Variants in RGS8 observed in about 807,000 individuals in gnomAD.
RGS8 encodes the protein regulator of G protein signaling 8.
In RGS8, 8 loss-of-function variants were observed where a neutral mutation model predicts 21.7. The observed-to-expected ratio is 0.37, with a 90% confidence interval of 0.22 to 0.66. The LOEUF (loss-of-function observed/expected upper bound fraction) is 0.66, where lower values mean the gene tolerates loss of function less well. Ranked by LOEUF, RGS8 falls within the 30% of genes least tolerant of loss-of-function variation. The pLI is 0.59. For synonymous variants in RGS8, 80 were observed against 83.6 expected (o/e 0.96, Z 0.24); for missense variants, 157 against 217.9 (o/e 0.72, Z 1.76).
intron 5 of RGS8, among the ~76,000 whole-genome samples, chr1:182,656,882 T>C (rs1663305943): frequency 6.6e-6 from 1 of 152,206 alleles, no homozygotes; most frequent in Admixed American, 6.5e-5. Flanking sequence ...CCTCCTCCTC[T>C]GCTCACCCAC....
intron 5 of RGS8, among the ~76,000 whole-genome samples, chr1:182,655,176 G>A (rs1663210107): frequency 6.6e-6 from 1 of 152,214 alleles, no homozygotes; most frequent in Non-Finnish European, 1.5e-5. Flanking sequence ...TGGCAAGGAT[G>A]CTAAACTGCA....
At chr1:182,699,284 G>T in the RGS8 span, among the ~76,000 whole-genome samples, 1 of 152,178 alleles carries the variant, frequency 6.6e-6, no homozygotes, top group Non-Finnish European at 1.5e-5. Flanking sequence ...TGGCTAAATG[G>T]GTGTTTCTCG....
the RGS8 span, among the ~76,000 whole-genome samples, chr1:182,713,132 A>T: frequency 2.0e-5 from 3 of 152,102 alleles, no homozygotes; most frequent in Non-Finnish European, 1.5e-5. Context: ...ATATAATTTT[A>T]AAAAAGAAAT....
At chr1:182,677,827 C>T (rs1001856102), upstream of RGS8, among the ~76,000 whole-genome samples, 20 of 152,264 alleles carry the variant, frequency 1.3e-4, no homozygotes, top group African/African-American at 4.8e-4. Context: ...GCGATTCTTC[C>T]TTAGGTCTCC....
chr1:182,740,406 C>G, the RGS8 span, among the ~76,000 whole-genome samples: 3 of 152,072 alleles, frequency 2.0e-5, no homozygotes, highest in Non-Finnish European at 2.9e-5. Context: ...TTCAAAACAG[C>G]CATATGAGAT....
the RGS8 span, among the ~76,000 whole-genome samples, chr1:182,741,884 C>A: frequency 7.2e-6 from 1 of 139,466 alleles, no homozygotes; most frequent in Non-Finnish European, 1.6e-5. Flanking sequence ...GGGGGGCTGA[C>A]CCCCCCACCT....
upstream of RGS8, among the ~76,000 whole-genome samples, chr1:182,676,171 G>A (rs1209468642): frequency 2.6e-5 from 4 of 152,120 alleles, no homozygotes; most frequent in African/African-American, 9.7e-5. Context: ...GGAGCACCTG[G>A]CATTGTCACA....
At chr1:182,659,497 G>C (rs1663476632) in intron 5 of RGS8, among the ~76,000 whole-genome samples, 1 of 152,218 alleles carries the variant, frequency 6.6e-6, no homozygotes, top group African/African-American at 2.4e-5. Flanking sequence ...TCAGGAGTTT[G>C]AGACTGGCCT....
intron 4 of RGS8, among the ~76,000 whole-genome samples, chr1:182,666,431 T>C (rs930334798): frequency 2.6e-5 from 4 of 152,266 alleles, no homozygotes; most frequent in Non-Finnish European, 5.9e-5. Context: ...TGATGCCCAT[T>C]ACATAGTTGT....
the RGS8 span, among the ~76,000 whole-genome samples, chr1:182,741,394 T>G: frequency 8.2e-6 from 1 of 121,382 alleles, no homozygotes; most frequent in Non-Finnish European, 1.7e-5. Context: ...ACGGGGCGGC[T>G]GGCCGGGCGG....
the RGS8 span, among the ~76,000 whole-genome samples, chr1:182,724,123 G>A: frequency 2.0e-5 from 3 of 148,240 alleles, no homozygotes; most frequent in African/African-American, 7.5e-5. Context: ...CAATCTGGGT[G>A]GGCACCATAG....
the RGS8 span, among the ~76,000 whole-genome samples, chr1:182,751,321 G>A: frequency 6.6e-6 from 1 of 152,308 alleles, no homozygotes; most frequent in East Asian, 1.9e-4. Context: ...TAGTTTAAAA[G>A]AGAAAAGACT....
chr1:182,696,160 TC>T, the RGS8 span, among the ~76,000 whole-genome samples: 1 of 152,188 alleles, frequency 6.6e-6, no homozygotes, highest in East Asian at 1.9e-4. Flanking sequence ...CCTGCCTCTA[TC>T]CCTCTGTAAG....
At chr1:182,682,508 A>G (rs576674038) in intron 1 of RGS8, among the ~76,000 whole-genome samples, 1 of 152,302 alleles carries the variant, frequency 6.6e-6, no homozygotes, top group South Asian at 2.1e-4. Flanking sequence ...AGAATTAAAC[A>G]GCATCATGTG....
intron 1 of RGS8, among the ~76,000 whole-genome samples, chr1:182,682,717 C>A (rs965691353): frequency 3.9e-5 from 6 of 152,246 alleles, no homozygotes; most frequent in Middle Eastern, 3.4e-3. Flanking sequence ...GAACCCAGGA[C>A]CTCCAGTACT....
At chr1:182,700,333 A>G in the RGS8 span, among the ~76,000 whole-genome samples, 1 of 151,582 alleles carries the variant, frequency 6.6e-6, no homozygotes, top group Non-Finnish European at 1.5e-5. Context: ...CCCCAACATG[A>G]CCCCCAAAAC....
chr1:182,668,593 GCCTCCTAGGGCTGGAACATCCAA>G (rs1663989136), intron 3 of RGS8, among the ~76,000 whole-genome samples: 5 of 152,166 alleles, frequency 3.3e-5, no homozygotes, highest in Admixed American at 3.3e-4. Flanking sequence ...TCTCTGAAGA[GCCTCCTAGGGCTGGAACATCCAA>G]GTTCCCAGAA....
chr1:182,657,054 C>T (rs191741502), intron 5 of RGS8, among the ~76,000 whole-genome samples: 2 of 152,342 alleles, frequency 1.3e-5, no homozygotes, highest in East Asian at 3.9e-4. Context: ...CAGATGGCAG[C>T]AGCGGGCTTC....
the RGS8 span, among the ~76,000 whole-genome samples, chr1:182,694,221 T>C: frequency 8.5e-5 from 13 of 152,338 alleles, no homozygotes; most frequent in African/African-American, 2.9e-4. Context: ...GTAAATTTTT[T>C]TGAATATGTT....
Sources: allele counts gnomAD v4.1 joint callset (sites outside exome capture counted in the v4.1 genomes callset), GRCh38; gene constraint gnomAD v4.1.1; transcripts MANE v1.5; gene names NCBI Gene and HGNC (gene_info 2026-07-23, HGNC 2026-07-21).